Variants in STRN observed in about 807,000 individuals in gnomAD.
The protein encoded by STRN is striatin.
STRN carries 53 observed loss-of-function variants against 96.3 expected under a neutral mutation model. That is an observed-to-expected ratio of 0.55 (90% CI 0.44 to 0.69). STRN has a LOEUF of 0.69. Ranked by LOEUF, STRN falls within the 30% of genes least tolerant of loss-of-function variation. STRN has a pLI of 0.00. For missense variants in STRN, 987 were observed against 963.9 expected, an observed-to-expected ratio of 1.02 and a Z score of -0.32; for synonymous variants, 428 against 355.9, an observed-to-expected ratio of 1.20 and a Z score of -2.28.
chr2:36,870,571 G>A (rs1572635420), intron 10 of STRN, among the ~76,000 whole-genome samples: 1 of 152,158 alleles, frequency 6.6e-6, no homozygotes, highest in Admixed American at 6.5e-5. Flanking sequence ...CTGTTTTAAT[G>A]TTGTAGCACA....
Position 36,886,719 on chromosome 2 carries a change from T to C in STRN, c.1039A>G (p.Lys347Glu). ...AGATACAATGTTTTCCACTTACTCT[T>C]CACCCCCTTTTTCCCCTTTCTCTCC... The part of the protein sequence containing the change: ...KKERKGKKGV[K>E]RPNRSKLQDM... The change falls in exon 8 of 18, where the codon AAG becomes GAG. Residue 347 changes from lysine (K) to glutamate (E), a missense_variant. Transcript: ENST00000263918. The C allele has an allele frequency of 4.4e-6, 7 of 1,609,102 alleles. No homozygotes were observed. In the African/African-American group the frequency reaches 9.4e-5, roughly 22 times the overall value.
intron 5 of STRN, among the ~76,000 whole-genome samples, 179 bp from the exon 6 acceptor site, chr2:36,899,837 G>GA (rs1367170461): frequency 6.6e-6 from 1 of 152,152 alleles, no homozygotes; most frequent in African/African-American, 2.4e-5. Context: ...ACAAGAAGTG[G>GA]ATACTCTTTA....
intron 6 of STRN, among the ~76,000 whole-genome samples, chr2:36,895,888 C>T (rs1347100422): frequency 1.3e-5 from 2 of 151,992 alleles, no homozygotes; most frequent in South Asian, 2.1e-4. Flanking sequence ...CACGCCACTG[C>T]GCCCCAGCCT....
chr2:36,873,534 T>C (rs548063467), intron 10 of STRN, among the ~76,000 whole-genome samples: 1 of 152,054 alleles, frequency 6.6e-6, no homozygotes, highest in Non-Finnish European at 1.5e-5. Flanking sequence ...CACACCAGCC[T>C]GGGTAAGACA....
intron 1 of STRN, among the ~76,000 whole-genome samples, chr2:36,932,007 G>C (rs142354048): frequency 6.6e-6 from 1 of 152,266 alleles, no homozygotes; most frequent in Non-Finnish European, 1.5e-5. Context: ...TTTTGGTAGA[G>C]ACAGGGTCTT....
At chr2:36,869,415 A>T in intron 11 of STRN, 139 bp downstream of exon 11, 2 of 869,908 alleles carry the variant, frequency 2.3e-6, no homozygotes, top group Non-Finnish European at 3.3e-6. Flanking sequence ...TAAATGGAAA[A>T]ACACAATAAA....
chr2:36,872,848 T>C (rs564069151), intron 10 of STRN, among the ~76,000 whole-genome samples: 1 of 151,982 alleles, frequency 6.6e-6, no homozygotes, highest in South Asian at 2.1e-4. Flanking sequence ...AAAAGCAGAA[T>C]TAAACATAAA....
At chr2:36,934,764 C>T (rs1320617398) in intron 1 of STRN, among the ~76,000 whole-genome samples, 1 of 152,158 alleles carries the variant, frequency 6.6e-6, no homozygotes, top group African/African-American at 2.4e-5. Context: ...CCTACTCACA[C>T]ATCCTATGTT....
intron 12 of STRN, among the ~76,000 whole-genome samples, chr2:36,865,633 C>T (rs758598068): frequency 2.0e-5 from 3 of 152,140 alleles, no homozygotes; most frequent in Non-Finnish European, 4.4e-5. Context: ...GGCATATCGG[C>T]TCACTGCAAC....
rs374682831 is a variant in STRN, at chr2:36,899,114, T to G, written c.795+409A>C. 5.3e-5 allele frequency among the ~76,000 whole-genome samples: 8 copies of G among 152,332 alleles called. No individual in the cohort carries two copies. In the South Asian group the frequency reaches 6.2e-4, roughly 12 times the overall value. On this transcript the variant is annotated intron_variant, in intron 6 of 17. Transcript: ENST00000263918. ...ACTCTAATGGAAGAGTTCTGAAAGT[T>G]TGCCTACCAAAACAATCCTGACAAG...
chr2:36,882,539 G>GT (rs1221190793), intron 9 of STRN, among the ~76,000 whole-genome samples: 1 of 152,146 alleles, frequency 6.6e-6, no homozygotes. Context: ...GGCCGACGCA[G>GT]TTGGATCACT....
chr2:36,838,870 G>A lies in STRN; in HGVS notation c.*10586C>T, dbSNP rs561114114. Among the ~76,000 whole-genome samples, 4 of 152,108 alleles carry A rather than the reference G, an allele frequency of 2.6e-5. No homozygotes were observed. The highest frequency in any genetic ancestry group is 9.7e-5 in the African/African-American group (4 of 41,398). On this transcript the variant is annotated 3_prime_UTR_variant, in exon 18 of 18. Coordinates refer to ENST00000263918, the MANE Select transcript of STRN (RefSeq NM_003162.4). ...ATGAGAAATGTGAGATGCAGAGAACGTACATGATCCCATTTATTTAAAGCA... is the reference window on the plus strand; with the variant it reads ...ATGAGAAATGTGAGATGCAGAGAACATACATGATCCCATTTATTTAAAGCA...
intron 4 of STRN, among the ~76,000 whole-genome samples, chr2:36,903,096 C>T (rs1034770432): frequency 3.2e-4 from 49 of 152,194 alleles, no homozygotes; most frequent in African/African-American, 1.1e-3. Context: ...ATAGTTATTC[C>T]GGTAGTTTTT....
intron 1 of STRN, among the ~76,000 whole-genome samples, chr2:36,939,085 A>G (rs1295882044): frequency 6.6e-6 from 1 of 151,962 alleles, no homozygotes; most frequent in African/African-American, 2.4e-5. Context: ...TTGCTGGTTC[A>G]AGTGATTCTC....
At chr2:36,939,512 T>C (rs1250828998) in intron 1 of STRN, among the ~76,000 whole-genome samples, 1 of 152,086 alleles carries the variant, frequency 6.6e-6, no homozygotes, top group Non-Finnish European at 1.5e-5. Flanking sequence ...AAAAAGGCAT[T>C]CAACAAAATT....
intron 1 of STRN, among the ~76,000 whole-genome samples, chr2:36,940,836 CAAAAAAAAAAAAAA>C (rs56996485): frequency 2.1e-5 from 1 of 46,572 alleles, no homozygotes; most frequent in African/African-American, 5.9e-5. Flanking sequence ...GACTCTGTCT[CAAAAAAAAAAAAAA>C]AAAAAAAAAA....
intron 1 of STRN, among the ~76,000 whole-genome samples, chr2:36,965,837 A>G (rs1160534536): frequency 6.6e-6 from 1 of 152,198 alleles, no homozygotes; most frequent in Non-Finnish European, 1.5e-5. Context: ...GACTGTCTCT[A>G]GACCTAGGAA....
intron 15 of STRN, among the ~76,000 whole-genome samples, chr2:36,851,680 C>A (rs1251834148): frequency 6.6e-6 from 1 of 152,128 alleles, no homozygotes; most frequent in African/African-American, 2.4e-5. Context: ...GAGCCACTAA[C>A]GCTGTTCATT....
intron 12 of STRN, among the ~76,000 whole-genome samples, chr2:36,861,989 T>G (rs771389849): frequency 2.0e-5 from 3 of 152,156 alleles, no homozygotes; most frequent in East Asian, 3.9e-4. Flanking sequence ...GTATACTCAA[T>G]GTTTAGTTCT....
Sources: allele counts gnomAD v4.1 joint callset (sites outside exome capture counted in the v4.1 genomes callset), GRCh38; gene constraint gnomAD v4.1.1; transcripts MANE v1.5; gene names NCBI Gene and HGNC (gene_info 2026-07-23, HGNC 2026-07-21).